The following CCDC7 variants were observed in gnomAD, a reference collection of about 807,000 sequenced individuals.
CCDC7 encodes coiled-coil domain containing 7.
Under a neutral mutation model 196.9 loss-of-function variants are expected in CCDC7, and 183 were observed. The ratio of observed to expected loss-of-function variants is 0.93; its 90% confidence interval spans 0.82 to 1.05. CCDC7 has a LOEUF of 1.05. Ranked by LOEUF, CCDC7 falls within the 50% of genes least tolerant of loss-of-function variation. The probability of loss-of-function intolerance (pLI) is 0.00; values close to 1 mark genes in which losing one functional copy is unlikely to be tolerated. For synonymous variants in CCDC7, 525 were observed against 484.6 expected, an observed-to-expected ratio of 1.08 and a Z score of -1.10; for missense variants, 1,540 against 1,482.2, an observed-to-expected ratio of 1.04 and a Z score of -0.64.
chr10:32,532,130 G>A (rs1174832141), intron 11 of CCDC7, among the ~76,000 whole-genome samples: 1 of 151,848 alleles, frequency 6.6e-6, no homozygotes, highest in East Asian at 1.9e-4. Context: ...TCATCATTAG[G>A]TTATTTGAAG....
At chr10:32,500,326 C>T (rs1311135164) in intron 9 of CCDC7, among the ~76,000 whole-genome samples, 5 of 152,014 alleles carry the variant, frequency 3.3e-5, no homozygotes, top group East Asian at 1.9e-4. Context: ...CCTCACTTCT[C>T]GGACGGGGCG....
intron 18 of CCDC7, among the ~76,000 whole-genome samples, chr10:32,602,349 T>C (rs1318631835): frequency 1.3e-5 from 2 of 152,214 alleles, no homozygotes; most frequent in Non-Finnish European, 2.9e-5. Flanking sequence ...TAACACTCAC[T>C]GCGAGGGTCT....
At chr10:32,728,769 T>C (rs1356581060) in intron 26 of CCDC7, 118 bp from the exon 28 acceptor site, 4 of 511,012 alleles carry the variant, frequency 7.8e-6, no homozygotes, top group Non-Finnish European at 1.4e-5. Context: ...TATTTTTGTG[T>C]CAGATCTAGC....
rs767876397 is a variant in CCDC7 at position 32,452,980 on chromosome 10, ATCTT to A, written c.280-360_280-357del. ...AAAAATTCATTGCTTTCTGGTCTCC[ATCTT>A]TCTATTTCCCCTAACTCTCTTCAGA... On this transcript the variant is annotated intron_variant, in intron 1 of 41. Coordinates refer to ENST00000639629, the Ensembl canonical transcript of CCDC7. Among the ~76,000 whole-genome samples the A allele has an allele frequency of 8.5e-5, 13 of 152,288 alleles. No individual in the cohort carries two copies. The East Asian group carries it at 2.3e-3, about 27-fold the overall frequency.
At chr10:32,741,539 T>G (rs1356592315) in intron 28 of CCDC7, among the ~76,000 whole-genome samples, 2 of 152,176 alleles carry the variant, frequency 1.3e-5, no homozygotes, top group African/African-American at 4.8e-5. Context: ...CCTCTGTATA[T>G]GTTGGGTTTT....
downstream of CCDC7, among the ~76,000 whole-genome samples, chr10:32,879,130 C>T (rs997511424): frequency 6.6e-6 from 1 of 151,888 alleles, no homozygotes; most frequent in East Asian, 1.9e-4. Flanking sequence ...CGTGTGCCAT[C>T]GTGGTTTGCT....
At chr10:32,530,929 T>A (rs2049548479) in intron 11 of CCDC7, among the ~76,000 whole-genome samples, 1 of 152,152 alleles carries the variant, frequency 6.6e-6, no homozygotes, top group Non-Finnish European at 1.5e-5. Context: ...TGAGTTATGT[T>A]CCATCTATAC....
intron 29 of CCDC7, among the ~76,000 whole-genome samples, chr10:32,790,754 A>G (rs1332960830): frequency 6.6e-6 from 1 of 152,160 alleles, no homozygotes; most frequent in East Asian, 1.9e-4. Flanking sequence ...CCCTGAGCCA[A>G]GCTACTGAAG....
chr10:32,549,547 G>A (rs2053116497), intron 13 of CCDC7, among the ~76,000 whole-genome samples: 1 of 152,088 alleles, frequency 6.6e-6, no homozygotes, highest in Non-Finnish European at 1.5e-5. Context: ...ATAGTTTTAT[G>A]TCTTAGGTTT....
chr10:32,752,589 T>C (rs559049472), intron 28 of CCDC7, among the ~76,000 whole-genome samples: 9 of 152,138 alleles, frequency 5.9e-5, no homozygotes, highest in Non-Finnish European at 1.2e-4. Flanking sequence ...CAGTGTCAAA[T>C]AATGGCTTAA....
chr10:32,501,471 T>C (rs963688095), intron 9 of CCDC7, among the ~76,000 whole-genome samples: 1 of 152,202 alleles, frequency 6.6e-6, no homozygotes, highest in Non-Finnish European at 1.5e-5. Flanking sequence ...TTCTGGTTTT[T>C]GGAATTTTCA....
intron 20 of CCDC7, among the ~76,000 whole-genome samples, chr10:32,662,122 A>G (rs181280806): frequency 1.3e-5 from 2 of 152,176 alleles, no homozygotes; most frequent in Admixed American, 6.5e-5. Context: ...TCTTTCTGCC[A>G]TGACAGGGTA....
chr10:32,554,080 C>A (rs1427189324), intron 13 of CCDC7, among the ~76,000 whole-genome samples: 1 of 152,142 alleles, frequency 6.6e-6, no homozygotes, highest in East Asian at 1.9e-4. Context: ...CTGAGTCATG[C>A]AGGTTGTCAG....
intron 21 of CCDC7, among the ~76,000 whole-genome samples, chr10:32,676,382 A>G (rs1348745741): frequency 6.6e-6 from 1 of 151,956 alleles, no homozygotes; most frequent in Admixed American, 6.6e-5. Context: ...ATCTAATTAA[A>G]CTGAAGAGCT....
chr10:32,678,731 CAGG>C (rs908398772), intron 21 of CCDC7, among the ~76,000 whole-genome samples: 3 of 152,130 alleles, frequency 2.0e-5, no homozygotes, highest in African/African-American at 7.2e-5. Context: ...CTGAAAAGCC[CAGG>C]AGATCTCTCT....
At chr10:32,535,687 A>T (rs571462653) in intron 11 of CCDC7, among the ~76,000 whole-genome samples, 1 of 152,202 alleles carries the variant, frequency 6.6e-6, no homozygotes, top group Non-Finnish European at 1.5e-5. Context: ...TAGAAACAAT[A>T]GATAGCAAAT....
At chr10:32,556,852 A>G (rs1354216806) in intron 13 of CCDC7, among the ~76,000 whole-genome samples, 1 of 152,130 alleles carries the variant, frequency 6.6e-6, no homozygotes, top group Non-Finnish European at 1.5e-5. Flanking sequence ...TTATCCCTCT[A>G]GCTCTGCTTT....
rs148050517 is a variant in CCDC7, at chr10:32,605,897, T to A, written c.1801+21593T>A. Among the ~76,000 whole-genome samples, 1,332 of 152,302 alleles carry A rather than the reference T, an allele frequency of 8.7e-3. 12 individuals carry two copies. The highest frequency in any genetic ancestry group is 0.027 in the Middle Eastern group (8 of 294). On this transcript the variant is annotated intron_variant, in intron 18 of 41. Transcript: ENST00000639629. ...AGAAGAATCCAGGCAGAGTAACCAC[T>A]TGCTAGAGAGATTTGCATAGCAAAA...
At chr10:32,558,401 AT>A (rs1479327229) in intron 13 of CCDC7, among the ~76,000 whole-genome samples, 7 of 152,132 alleles carry the variant, frequency 4.6e-5, no homozygotes, top group African/African-American at 1.7e-4. Flanking sequence ...CTTTATGCAT[AT>A]GTAGTTCAGG....
Sources: allele counts gnomAD v4.1 joint callset (sites outside exome capture counted in the v4.1 genomes callset), GRCh38; gene constraint gnomAD v4.1.1; transcripts MANE v1.5; gene names NCBI Gene and HGNC (gene_info 2026-07-23, HGNC 2026-07-21).